UVRAG: variants seen among roughly 807,000 people sequenced by gnomAD.
UVRAG encodes the protein UV radiation resistance-associated gene protein.
In UVRAG, 19 loss-of-function variants were observed where a neutral mutation model predicts 78.0. The ratio of observed to expected loss-of-function variants is 0.24; its 90% CI spans 0.17 to 0.36. The LOEUF is 0.36. Ranked by LOEUF, UVRAG falls within the 10% of genes least tolerant of loss-of-function variation. The probability of loss-of-function intolerance (pLI) is 1.00; values close to 1 mark genes in which losing one functional copy is unlikely to be tolerated. For synonymous variants in UVRAG, 323 were observed against 324.6 expected (o/e 1.00, Z 0.05); for missense variants, 740 against 853.8 (o/e 0.87, Z 1.66).
chr11:76,010,161 A>G (rs1456538260), intron 11 of UVRAG, among the ~76,000 whole-genome samples: 1 of 152,122 alleles, frequency 6.6e-6, no homozygotes, highest in Admixed American at 6.5e-5. Flanking sequence ...ATGGCGCATC[A>G]TTTTCCTCAT....
chr11:76,135,532 T>G (rs1201362650), intron 14 of UVRAG, among the ~76,000 whole-genome samples: 1 of 152,236 alleles, frequency 6.6e-6, no homozygotes, highest in Non-Finnish European at 1.5e-5. Flanking sequence ...CAGTCCCTGG[T>G]GTGGTTCAGT....
At chr11:75,821,207 T>C (rs937157238) in intron 1 of UVRAG, among the ~76,000 whole-genome samples, 18 of 152,336 alleles carry the variant, frequency 1.2e-4, no homozygotes, top group African/African-American at 3.6e-4. Flanking sequence ...CTTATTTCAC[T>C]TTGCAATGTT....
chr11:76,121,281 G>A (rs187709660), intron 14 of UVRAG, among the ~76,000 whole-genome samples: 15 of 152,296 alleles, frequency 9.8e-5, no homozygotes, highest in Admixed American at 8.5e-4. Flanking sequence ...TTTATGCCAG[G>A]TCTTTCCAAA....
chr11:75,907,697 A>AT (rs552143489), intron 5 of UVRAG, among the ~76,000 whole-genome samples: 4,957 of 142,410 alleles, frequency 0.035, 250 homozygotes, highest in African/African-American at 0.12. Context: ...TATTAAAACA[A>AT]TTTTTTTTTT....
chr11:75,900,369 T>C (rs372716517), intron 5 of UVRAG, among the ~76,000 whole-genome samples: 22 of 152,312 alleles, frequency 1.4e-4, no homozygotes, highest in African/African-American at 4.6e-4. Flanking sequence ...CTGGGAATCT[T>C]CCCTCATTCT....
intron 3 of UVRAG, among the ~76,000 whole-genome samples, chr11:75,872,391 C>CT (rs558324580): frequency 0.89 from 122,447 of 137,180 alleles, 55,299 homozygotes; most frequent in Middle Eastern, 0.95. Flanking sequence ...CTAATGCTGC[C>CT]TTTTTTTTTT....
In UVRAG at chr11:75,932,659, A is replaced by G. The variant is rs117354366; in HGVS notation, c.593+20620A>G. On this transcript the variant is annotated intron_variant, in intron 6 of 14. Coordinates refer to ENST00000356136, the MANE Select transcript of UVRAG (RefSeq NM_003369.4). The stretch of plus-strand genomic sequence containing the variant: ...ACTGTTAGAACTGATAAACACATTC[A>G]TTAAAGTTGCAGGATACAAAATAAA... Among the ~76,000 whole-genome samples the G allele has an allele frequency of 5.1e-3, 784 of 152,362 alleles. 9 individuals carry two copies. The highest frequency in any genetic ancestry group is 0.025 in the East Asian group (131 of 5,188).
At chr11:76,052,924 A>G (rs1950896596) in intron 12 of UVRAG, among the ~76,000 whole-genome samples, 1 of 150,474 alleles carries the variant, frequency 6.6e-6, no homozygotes, top group African/African-American at 2.4e-5. Context: ...TATAATAAAT[A>G]TACTTTGTTT....
intron 14 of UVRAG, among the ~76,000 whole-genome samples, chr11:76,136,510 T>C (rs1952598950): frequency 9.1e-6 from 1 of 110,410 alleles, no homozygotes; most frequent in Non-Finnish European, 1.7e-5. Flanking sequence ...TCTTGTTTCC[T>C]TTTTTTTTTT....
chr11:76,021,669 A>G (rs922068749), intron 12 of UVRAG, among the ~76,000 whole-genome samples: 1 of 152,138 alleles, frequency 6.6e-6, no homozygotes, highest in African/African-American at 2.4e-5. Flanking sequence ...TCCATACCCC[A>G]TTCATTTTTG....
intron 6 of UVRAG, among the ~76,000 whole-genome samples, chr11:75,941,122 A>C (rs925659077): frequency 6.6e-6 from 1 of 152,186 alleles, no homozygotes; most frequent in Admixed American, 6.5e-5. Flanking sequence ...TTTTGTAAGC[A>C]AGATTTTCTC....
chr11:76,008,728 C>A, intron 10 of UVRAG, 79 bp from the exon 11 acceptor site: 2 of 772,894 alleles, frequency 2.6e-6, no homozygotes, highest in South Asian at 3.9e-5. Context: ...TTTGAGTCAG[C>A]ACCGACCTGC....
At chr11:75,980,601 G>A (rs890632369) in intron 7 of UVRAG, among the ~76,000 whole-genome samples, 15 of 151,832 alleles carry the variant, frequency 9.9e-5, no homozygotes, top group Admixed American at 8.5e-4. Context: ...TGATGTTTGT[G>A]AGATCAATTG....
chr11:76,141,523 A>T lies in UVRAG; in HGVS notation c.*110A>T, dbSNP rs959460997. 8 of 1,121,696 alleles carry T rather than the reference A, an allele frequency of 7.1e-6. No individual in the cohort carries two copies. Among genetic ancestry groups the T allele is most frequent in the South Asian group, 1.6e-5 (1 of 62,558 alleles). 69.5% of individuals were successfully genotyped at this position (1,121,696 alleles called of 1,614,324 possible). A position where few individuals can be genotyped will look rare whatever the true frequency, so the allele number is the denominator to read the frequency against. ...GACACAAAATGAATATTAATGGAGG[A>T]TATTCCTCGGAAAAACAGACTTTGG... On this transcript the variant is annotated 3_prime_UTR_variant, in exon 15 of 15. Transcript: ENST00000356136.
chr11:75,923,380 G>A (rs76989342), intron 6 of UVRAG, among the ~76,000 whole-genome samples: 3,529 of 152,072 alleles, frequency 0.023, 59 homozygotes, highest in South Asian at 0.049. Flanking sequence ...ATAAATTACC[G>A]TCTCTCCCAA....
chr11:75,943,940 C>T (rs768611025), intron 6 of UVRAG, among the ~76,000 whole-genome samples: 2 of 152,030 alleles, frequency 1.3e-5, no homozygotes, highest in Non-Finnish European at 2.9e-5. Flanking sequence ...AATCCATCAA[C>T]GAGTATTTGA....
chr11:75,978,647 C>G (rs1368967592), intron 7 of UVRAG, among the ~76,000 whole-genome samples: 4 of 152,180 alleles, frequency 2.6e-5, no homozygotes, highest in Non-Finnish European at 5.9e-5. Flanking sequence ...CCCTTTCTTC[C>G]AGTTGATCGA....
intron 8 of UVRAG, among the ~76,000 whole-genome samples, chr11:76,000,750 C>G (rs1949799066): frequency 6.6e-6 from 1 of 152,086 alleles, no homozygotes; most frequent in African/African-American, 2.4e-5. Flanking sequence ...GACTTCAAAA[C>G]AAGGATTACT....
At chr11:75,962,670 G>A (rs1948931926) in intron 7 of UVRAG, among the ~76,000 whole-genome samples, 2 of 152,082 alleles carry the variant, frequency 1.3e-5, no homozygotes, top group South Asian at 2.1e-4. Context: ...GCCCCAGCAA[G>A]ACTAAATTTC....
Sources: allele counts gnomAD v4.1 joint callset (sites outside exome capture counted in the v4.1 genomes callset), GRCh38; gene constraint gnomAD v4.1.1; transcripts MANE v1.5; gene names NCBI Gene and HGNC (gene_info 2026-07-23, HGNC 2026-07-21).